The following CDKAL1 variants were observed in gnomAD, a reference collection of about 807,000 sequenced individuals.
The protein encoded by CDKAL1 is threonylcarbamoyladenosine tRNA methylthiotransferase.
A neutral mutation model predicts 68.2 loss-of-function variants in CDKAL1; 32 were observed. The observed-to-expected ratio is 0.47, with a 90% CI of 0.35 to 0.63. The LOEUF (loss-of-function observed/expected upper bound fraction) is 0.63. Among genes scored for constraint, CDKAL1 ranks in the 30% least tolerant of loss-of-function variants. The pLI is 0.00. For missense variants in CDKAL1, 606 were observed against 696.7 expected, an observed-to-expected ratio of 0.87 and a Z score of 1.47; for synonymous variants, 234 against 244.3, an observed-to-expected ratio of 0.96 and a Z score of 0.39.
intron 13 of CDKAL1, among the ~76,000 whole-genome samples, chr6:21,191,183 T>C (rs1364103223): frequency 6.6e-6 from 1 of 152,268 alleles, no homozygotes. Flanking sequence ...TATATCCTTA[T>C]ATAGCCTTGT....
chr6:21,185,039 A>G (rs529138266), intron 13 of CDKAL1, among the ~76,000 whole-genome samples: 84 of 152,084 alleles, frequency 5.5e-4, no homozygotes, highest in Admixed American at 2.0e-3. Context: ...AAATCCAGAC[A>G]TACTATATAG....
chr6:20,926,282 G>A (rs1039812364), intron 9 of CDKAL1, among the ~76,000 whole-genome samples: 1 of 151,986 alleles, frequency 6.6e-6, no homozygotes, highest in East Asian at 1.9e-4. Flanking sequence ...AAATAATCTG[G>A]TCAGTACACT....
chr6:20,581,988 G>C (rs1446410761), intron 4 of CDKAL1, among the ~76,000 whole-genome samples: 1 of 152,114 alleles, frequency 6.6e-6, no homozygotes, highest in African/African-American at 2.4e-5. Context: ...TGTATAAGTT[G>C]TATAGATAAG....
At chr6:20,969,899 G>A (rs1287994413) in intron 10 of CDKAL1, among the ~76,000 whole-genome samples, 1 of 150,266 alleles carries the variant, frequency 6.7e-6, no homozygotes, top group African/African-American at 2.4e-5. Context: ...AAATATGTCA[G>A]TGTTTTTTAG....
intron 8 of CDKAL1, among the ~76,000 whole-genome samples, chr6:20,798,930 AAAAAG>A (rs1431060484): frequency 3.5e-5 from 5 of 144,750 alleles, no homozygotes; most frequent in Non-Finnish European, 7.6e-5. Flanking sequence ...AAAAAAAAAA[AAAAAG>A]AAAAGAAAAT....
chr6:21,073,738 T>G (rs565500210), intron 12 of CDKAL1, among the ~76,000 whole-genome samples: 13 of 152,338 alleles, frequency 8.5e-5, no homozygotes, highest in South Asian at 2.1e-4. Flanking sequence ...TTTGTGTATT[T>G]TGGGTAACAA....
chr6:21,106,260 T>G (rs891656032), intron 12 of CDKAL1, among the ~76,000 whole-genome samples: 1 of 152,208 alleles, frequency 6.6e-6, no homozygotes, highest in Non-Finnish European at 1.5e-5. Context: ...AAAACTCCCT[T>G]TAGGGAATTG....
chr6:21,020,496 T>C (rs559513023), intron 11 of CDKAL1, among the ~76,000 whole-genome samples: 2 of 152,264 alleles, frequency 1.3e-5, no homozygotes, highest in East Asian at 3.9e-4. Context: ...AGATAGAGTT[T>C]CACTCTTATT....
intron 9 of CDKAL1, among the ~76,000 whole-genome samples, chr6:20,930,300 A>G (rs1054539089): frequency 6.6e-6 from 1 of 151,078 alleles, no homozygotes; most frequent in Non-Finnish European, 1.5e-5. Context: ...TATAAAAAGT[A>G]TTTTTTTTTC....
chr6:20,560,086 CAT>C (rs1477998924), intron 4 of CDKAL1, among the ~76,000 whole-genome samples: 3 of 152,096 alleles, frequency 2.0e-5, no homozygotes, highest in Non-Finnish European at 4.4e-5. Context: ...GGATTAAAGA[CAT>C]GATGTATTTT....
intron 9 of CDKAL1, among the ~76,000 whole-genome samples, chr6:20,863,409 T>A (rs1759747554): frequency 6.6e-6 from 1 of 152,234 alleles, no homozygotes; most frequent in South Asian, 2.1e-4. Context: ...TACCTCCTCT[T>A]CAGTAAAGAC....
At chr6:21,207,845 T>C (rs1306033110) in intron 15 of CDKAL1, among the ~76,000 whole-genome samples, 1 of 152,210 alleles carries the variant, frequency 6.6e-6, no homozygotes, top group Non-Finnish European at 1.5e-5. Flanking sequence ...TATCTTATCA[T>C]TTCAAATGTT....
At chr6:20,694,583 G>A (rs1422175366) in intron 5 of CDKAL1, among the ~76,000 whole-genome samples, 1 of 152,154 alleles carries the variant, frequency 6.6e-6, no homozygotes. Flanking sequence ...CAGGGCTCAA[G>A]GAGTCCCACC....
At chr6:20,722,772 C>G (rs1377258105) in intron 5 of CDKAL1, among the ~76,000 whole-genome samples, 1 of 152,126 alleles carries the variant, frequency 6.6e-6, no homozygotes, top group South Asian at 2.1e-4. Context: ...TTTTCCAAAA[C>G]TACCTATGGG....
intron 9 of CDKAL1, among the ~76,000 whole-genome samples, chr6:20,938,001 A>G (rs921612490): frequency 6.6e-6 from 1 of 152,152 alleles, no homozygotes; most frequent in African/African-American, 2.4e-5. Context: ...GGTGTTTGCC[A>G]GATGTTGATT....
intron 5 of CDKAL1, among the ~76,000 whole-genome samples, chr6:20,674,081 T>C (rs1255985124): frequency 6.6e-6 from 1 of 152,234 alleles, no homozygotes; most frequent in Admixed American, 6.5e-5. Context: ...TCCTATATGT[T>C]CATTTTATAT....
At chr6:21,051,257 C>T (rs939666023) in intron 11 of CDKAL1, among the ~76,000 whole-genome samples, 1 of 152,084 alleles carries the variant, frequency 6.6e-6, no homozygotes, top group Non-Finnish European at 1.5e-5. Flanking sequence ...CTTTGTAGTC[C>T]CAGCTACTTG....
intron 13 of CDKAL1, among the ~76,000 whole-genome samples, chr6:21,170,864 A>G (rs1777354910): frequency 6.6e-6 from 1 of 152,224 alleles, no homozygotes; most frequent in South Asian, 2.1e-4. Context: ...TAGAAGACTT[A>G]TAAATGATAA....
chr6:20,983,487 G>A (rs1269134684), intron 10 of CDKAL1, among the ~76,000 whole-genome samples: 4 of 152,182 alleles, frequency 2.6e-5, no homozygotes, highest in Admixed American at 6.5e-5. Flanking sequence ...TTGGGAGGCC[G>A]AGGTGGGCAG....
Sources: allele counts gnomAD v4.1 joint callset (sites outside exome capture counted in the v4.1 genomes callset), GRCh38; gene constraint gnomAD v4.1.1; transcripts MANE v1.5; gene names NCBI Gene and HGNC (gene_info 2026-07-23, HGNC 2026-07-21).